Variants in NMNAT1 observed in about 807,000 individuals in gnomAD.
The protein encoded by NMNAT1 is nicotinamide nucleotide adenylyltransferase 1.
NMNAT1 carries 11 observed loss-of-function variants against 16.7 expected under a neutral mutation model. The observed-to-expected ratio is 0.66, with a 90% CI of 0.41 to 1.09. NMNAT1 has a LOEUF of 1.09. Among genes scored for constraint, NMNAT1 ranks in the 50% least tolerant of loss-of-function variants. The pLI is 0.00. For synonymous variants in NMNAT1, 110 were observed against 119.8 expected (o/e 0.92, Z 0.53); for missense variants, 280 against 332.3 (o/e 0.84, Z 1.22).
At chr1:9,977,524 C>G (rs1291045613) in intron 3 of NMNAT1, among the ~76,000 whole-genome samples, 9 of 152,060 alleles carry the variant, frequency 5.9e-5, no homozygotes, top group Admixed American at 5.9e-4. Flanking sequence ...GAAACCCACT[C>G]TGGATATTTT....
At chr1:9,944,036 C>T (rs1244732815) in intron 1 of NMNAT1, among the ~76,000 whole-genome samples, 5 of 151,762 alleles carry the variant, frequency 3.3e-5, no homozygotes, top group Non-Finnish European at 5.9e-5. Flanking sequence ...AGGCGGATCA[C>T]GAGGTCAGGA....
chr1:9,974,743 T>G (rs1186206604), intron 2 of NMNAT1, among the ~76,000 whole-genome samples: 4 of 151,856 alleles, frequency 2.6e-5, no homozygotes, highest in Non-Finnish European at 5.9e-5. Flanking sequence ...ATGTTGGTGT[T>G]GAGCTCCTGG....
At chr1:9,991,254 C>T in the NMNAT1 span, among the ~76,000 whole-genome samples, 1 of 150,550 alleles carries the variant, frequency 6.6e-6, no homozygotes, top group South Asian at 2.1e-4. Context: ...GGTGCAATCT[C>T]AGCTCACTGC....
chr1:9,943,534 G>C lies in NMNAT1; in HGVS notation c.-57+19G>C, dbSNP rs75269186. 1 of 152,394 alleles carries C rather than the reference G, an allele frequency of 6.6e-6. No homozygotes were observed. The highest frequency in any genetic ancestry group is 2.4e-5 in the African/African-American group (1 of 41,476). 9.4% of individuals were successfully genotyped at this position (152,394 alleles called of 1,614,324 possible). ...GGGCGCGGTAAGCTCCCCGCAAGGA[G>C]CCCCTGAGAAACTGGTCGCTTTTTG... On this transcript the variant is annotated intron_variant, in intron 1 of 4. Transcript: ENST00000377205.
intron 1 of NMNAT1, among the ~76,000 whole-genome samples, chr1:9,951,676 C>T (rs1243530683): frequency 6.6e-6 from 1 of 152,132 alleles, no homozygotes; most frequent in Non-Finnish European, 1.5e-5. Flanking sequence ...GGTTTCTCCA[C>T]ATTGCCTATG....
chr1:9,968,291 C>G (rs1317313299), intron 1 of NMNAT1, among the ~76,000 whole-genome samples: 1 of 151,054 alleles, frequency 6.6e-6, no homozygotes, highest in Admixed American at 6.6e-5. Context: ...CCAGGGTGGT[C>G]TCGATCTCCT....
chr1:9,976,024 C>T (rs986468523), intron 3 of NMNAT1, among the ~76,000 whole-genome samples: 1 of 152,090 alleles, frequency 6.6e-6, no homozygotes, highest in African/African-American at 2.4e-5. Flanking sequence ...CGGTGGCTCA[C>T]GCCTGTAATG....
intron 1 of NMNAT1, among the ~76,000 whole-genome samples, chr1:9,968,068 G>GTT (rs1400220756): frequency 4.7e-5 from 3 of 64,074 alleles, no homozygotes; most frequent in Middle Eastern, 8.1e-3. Context: ...GCCAAATGTA[G>GTT]TTTTTTTTTT....
At chr1:9,987,509 G>A (rs750960858), downstream of NMNAT1, among the ~76,000 whole-genome samples, 3 of 151,826 alleles carry the variant, frequency 2.0e-5, no homozygotes, top group East Asian at 1.9e-4. Flanking sequence ...CGTAGGTGGC[G>A]GGTGCCTATA....
the NMNAT1 span, among the ~76,000 whole-genome samples, chr1:9,990,906 G>A: frequency 2.1e-4 from 32 of 152,070 alleles, no homozygotes; most frequent in Non-Finnish European, 3.4e-4. Flanking sequence ...ATAACCTTGA[G>A]TCCTGTCTAG....
chr1:9,946,483 G>A (rs1048577966), intron 1 of NMNAT1, among the ~76,000 whole-genome samples: 3 of 152,144 alleles, frequency 2.0e-5, no homozygotes, highest in African/African-American at 7.2e-5. Context: ...CCCAGAGAAC[G>A]CAAGTTGCTC....
intron 1 of NMNAT1, among the ~76,000 whole-genome samples, chr1:9,958,503 G>A (rs559264884): frequency 3.3e-5 from 5 of 150,774 alleles, no homozygotes; most frequent in African/African-American, 1.2e-4. Flanking sequence ...GCAGTGGTGT[G>A]ATCTCAGCTC....
At chr1:9,963,684 G>A (rs911635595) in intron 1 of NMNAT1, among the ~76,000 whole-genome samples, 1 of 152,078 alleles carries the variant, frequency 6.6e-6, no homozygotes, top group African/African-American at 2.4e-5. Context: ...TGGGATTACA[G>A]GCGTGAGCCA....
chr1:9,956,170 CTTTTTT>C (rs113840450), intron 1 of NMNAT1, among the ~76,000 whole-genome samples: 1 of 134,000 alleles, frequency 7.5e-6, no homozygotes, highest in Non-Finnish European at 1.6e-5. Flanking sequence ...TGTTTCTTTT[CTTTTTT>C]TTTTTTTTTT....
intron 1 of NMNAT1, among the ~76,000 whole-genome samples, chr1:9,965,943 A>G (rs1281271559): frequency 1.3e-5 from 2 of 150,054 alleles, no homozygotes; most frequent in Non-Finnish European, 3.0e-5. Context: ...ACCTGTGATC[A>G]TGCCATTGGA....
chr1:9,967,640 T>G (rs1289052396), intron 1 of NMNAT1, among the ~76,000 whole-genome samples: 1 of 152,000 alleles, frequency 6.6e-6, no homozygotes, highest in East Asian at 1.9e-4. Flanking sequence ...AATTGTAAAT[T>G]AAACCATTTG....
Position 9,964,196 on chromosome 1 carries a change from G to A in NMNAT1, c.-56-7822G>A, listed in dbSNP as rs191609185. ...TGTGAGCTACCACACCGGGCCGAAAGTATTTTTATAAAGCCAGGTGTGGTG... is the reference window on the plus strand; with the variant it reads ...TGTGAGCTACCACACCGGGCCGAAAATATTTTTATAAAGCCAGGTGTGGTG... On this transcript the variant is annotated intron_variant, in intron 1 of 4. Coordinates refer to ENST00000377205, the MANE Select transcript of NMNAT1 (RefSeq NM_022787.4). Among the ~76,000 whole-genome samples the A allele has an allele frequency of 1.3e-4, 19 of 150,906 alleles. No homozygotes were observed. The East Asian group carries it at 3.9e-3, about 31-fold the overall frequency.
At chr1:9,975,087 A>G (rs1385941118) in intron 2 of NMNAT1, among the ~76,000 whole-genome samples, 1 of 152,198 alleles carries the variant, frequency 6.6e-6, no homozygotes, top group Non-Finnish European at 1.5e-5. Context: ...TGGTTGCACA[A>G]CAGCATGTTT....
chr1:9,951,235 A>G (rs912512669), intron 1 of NMNAT1: 6 of 152,304 alleles, frequency 3.9e-5, no homozygotes, highest in African/African-American at 9.6e-5. Flanking sequence ...GCTTACCTGT[A>G]GAAGTTAAGC....
Sources: allele counts gnomAD v4.1 joint callset (sites outside exome capture counted in the v4.1 genomes callset), GRCh38; gene constraint gnomAD v4.1.1; transcripts MANE v1.5; gene names NCBI Gene and HGNC (gene_info 2026-07-23, HGNC 2026-07-21).